The following LSAMP variants were observed in gnomAD, a reference collection of about 807,000 sequenced individuals.
LSAMP encodes the protein limbic system associated membrane protein, also known as limbic system-associated membrane protein.
In LSAMP, 7 loss-of-function variants were observed where a neutral mutation model predicts 38.6. That is an observed-to-expected ratio of 0.18 (90% CI 0.10 to 0.34). LSAMP has a LOEUF of 0.34. LSAMP is among the 10% of genes least tolerant of loss of function. LSAMP has a pLI of 1.00. For synonymous variants in LSAMP, 154 were observed against 166.8 expected (o/e 0.92, Z 0.59); for missense variants, 313 against 420.0 (o/e 0.75, Z 2.23).
chr3:116,397,273 TCTC>T (rs1422277748), intron 1 of LSAMP, among the ~76,000 whole-genome samples: 1 of 152,072 alleles, frequency 6.6e-6, no homozygotes, highest in East Asian at 1.9e-4. Flanking sequence ...GCTAGAGAAA[TCTC>T]CTTGCAATTC....
At chr3:115,894,729 G>A (rs991499298) in intron 3 of LSAMP, among the ~76,000 whole-genome samples, 3 of 151,956 alleles carry the variant, frequency 2.0e-5, no homozygotes, top group Non-Finnish European at 4.4e-5. Flanking sequence ...AAACTGACAC[G>A]CAGGAAAAAT....
At chr3:116,265,074 C>T (rs573464327) in intron 1 of LSAMP, among the ~76,000 whole-genome samples, 21 of 152,030 alleles carry the variant, frequency 1.4e-4, no homozygotes, top group South Asian at 1.2e-3. Context: ...TCAAAAGGGA[C>T]GTGTTATGAA....
At chr3:116,141,580 C>T (rs1203151749) in intron 1 of LSAMP, among the ~76,000 whole-genome samples, 2 of 151,888 alleles carry the variant, frequency 1.3e-5, no homozygotes, top group East Asian at 3.9e-4. Flanking sequence ...CTCAGGTCCT[C>T]TTTAACACTT....
intron 3 of LSAMP, among the ~76,000 whole-genome samples, chr3:115,998,603 C>T (rs1290354802): frequency 6.6e-6 from 1 of 152,126 alleles, no homozygotes; most frequent in African/African-American, 2.4e-5. Context: ...CCATCTCAGG[C>T]CCCACCCAGA....
At chr3:116,378,262 G>A (rs181945897) in intron 1 of LSAMP, among the ~76,000 whole-genome samples, 1 of 151,956 alleles carries the variant, frequency 6.6e-6, no homozygotes, top group African/African-American at 2.4e-5. Flanking sequence ...CCTGGAAGCT[G>A]TTGTGGTATT....
chr3:116,183,788 A>G (rs1710545628), intron 1 of LSAMP, among the ~76,000 whole-genome samples: 1 of 151,880 alleles, frequency 6.6e-6, no homozygotes, highest in South Asian at 2.1e-4. Context: ...CCCTGATAAT[A>G]AAAATAGCAA....
intron 1 of LSAMP, among the ~76,000 whole-genome samples, chr3:116,331,155 A>T (rs1321949341): frequency 6.6e-6 from 1 of 152,132 alleles, no homozygotes; most frequent in Admixed American, 6.5e-5. Flanking sequence ...GACCAGTTAT[A>T]AAAGGAGAAT....
At position 116,088,681 on chromosome 3, in the gene LSAMP, C is replaced by T. The variant is rs542308186; in HGVS notation, c.156-2125G>A. On this transcript the variant is annotated intron_variant, in intron 1 of 6. Transcript: ENST00000490035. ...CTGTGCATGTTTCTCACCTGCACAGCGTAACACAAGAATGGTCAGATTTGC... is the reference window on the plus strand; with the variant it reads ...CTGTGCATGTTTCTCACCTGCACAGTGTAACACAAGAATGGTCAGATTTGC... Among the ~76,000 whole-genome samples the T allele has an allele frequency of 2.1e-4, 32 of 152,218 alleles. No individual in the cohort carries two copies. In the South Asian group the frequency reaches 5.4e-3, roughly 26 times the overall value.
At chr3:115,938,408 C>T (rs1331378580) in intron 3 of LSAMP, among the ~76,000 whole-genome samples, 3 of 152,154 alleles carry the variant, frequency 2.0e-5, no homozygotes, top group Non-Finnish European at 2.9e-5. Flanking sequence ...TTCCCCATTA[C>T]ATTCTTTCTA....
intron 1 of LSAMP, among the ~76,000 whole-genome samples, chr3:116,175,783 G>T (rs1710324329): frequency 6.6e-6 from 1 of 151,914 alleles, no homozygotes; most frequent in Non-Finnish European, 1.5e-5. Context: ...AGGATGATTT[G>T]TGAAAAAGAC....
chr3:116,376,361 A>C lies in LSAMP; in HGVS notation c.155+68516T>G, dbSNP rs368726454. 3.3e-5 allele frequency among the ~76,000 whole-genome samples: 5 copies of C among 152,196 alleles called. No homozygotes were observed. In the East Asian group the frequency reaches 7.7e-4, roughly 24 times the overall value. On this transcript the variant is annotated intron_variant, in intron 1 of 6. Coordinates refer to ENST00000490035, the MANE Select transcript of LSAMP (RefSeq NM_002338.5). ...GGAAAAGGGATTCCTTCTTATTACA[A>C]TAACAAAATATTTTACTTTCACAGG... is the stretch of plus-strand genomic sequence containing the variant.
rs965702756 is a variant in LSAMP at position 116,096,973 on chromosome 3, G to A, written c.156-10417C>T. 4.6e-5 allele frequency among the ~76,000 whole-genome samples: 7 copies of A among 152,090 alleles called. No individual in the cohort carries two copies. In the East Asian group the frequency reaches 1.2e-3, roughly 25 times the overall value. ...AGGATGAGAAACAACTTTAAATTTT[G>A]CTTTTGTTTTGATTCTCCCTATGAG... On this transcript the variant is annotated intron_variant, in intron 1 of 6. Transcript: ENST00000490035.
intron 1 of LSAMP, among the ~76,000 whole-genome samples, chr3:116,091,419 CTAAAG>C (rs200879819): frequency 0.011 from 1,739 of 152,206 alleles, 30 homozygotes; most frequent in African/African-American, 0.04. Flanking sequence ...GACTAAGAGA[CTAAAG>C]TAAAGACAGG....
chr3:116,000,989 C>T (rs1178052781), intron 3 of LSAMP, among the ~76,000 whole-genome samples: 2 of 151,916 alleles, frequency 1.3e-5, no homozygotes. Flanking sequence ...TGCAGTTTTC[C>T]CAAAGTTGTA....
rs79234601 is a variant in LSAMP at position 116,125,630 on chromosome 3, A to C, written c.156-39074T>G. On this transcript the variant is annotated intron_variant, in intron 1 of 6. Transcript: ENST00000490035. ...GATTGCTTATTTGCCTCCCTATTTC[A>C]GTTGGATAAACAATGATATGGAAGA... 9.7e-3 allele frequency among the ~76,000 whole-genome samples: 1,471 copies of C among 152,226 alleles called. 24 individuals carry two copies. Among genetic ancestry groups the C allele is most frequent in the African/African-American group, 0.033 (1,381 of 41,552 alleles).
intron 1 of LSAMP, among the ~76,000 whole-genome samples, chr3:116,405,073 A>T (rs1188890936): frequency 6.6e-6 from 1 of 152,094 alleles, no homozygotes; most frequent in Non-Finnish European, 1.5e-5. Context: ...GCTATCTGTA[A>T]GTTTTAGGTA....
intron 1 of LSAMP, among the ~76,000 whole-genome samples, chr3:116,290,868 A>G (rs537852057): frequency 7.1e-4 from 108 of 152,168 alleles, no homozygotes; most frequent in African/African-American, 2.4e-3. Context: ...TCAAATTAAT[A>G]ATGGTTAAGA....
chr3:116,352,018 T>C lies in LSAMP; in HGVS notation c.155+92859A>G, dbSNP rs144693187. ...GAAAGTTTAGTTAACCCTTCAAATA[T>C]TGTGTCATGCTTCTTCATCAGCTCC... On this transcript the variant is annotated intron_variant, in intron 1 of 6. Coordinates refer to ENST00000490035, the MANE Select transcript of LSAMP (RefSeq NM_002338.5). Among the ~76,000 whole-genome samples the C allele has an allele frequency of 2.1e-3, 326 of 152,138 alleles. 2 individuals carry two copies. Among genetic ancestry groups the C allele is most frequent in the African/African-American group, 7.5e-3 (312 of 41,542 alleles).
At chr3:116,356,053 T>C (rs1272080575) in intron 1 of LSAMP, among the ~76,000 whole-genome samples, 1 of 152,156 alleles carries the variant, frequency 6.6e-6, no homozygotes, top group Non-Finnish European at 1.5e-5. Context: ...AATTACCATA[T>C]GATCAAGCAA....
Sources: allele counts gnomAD v4.1 joint callset (sites outside exome capture counted in the v4.1 genomes callset), GRCh38; gene constraint gnomAD v4.1.1; transcripts MANE v1.5; gene names NCBI Gene and HGNC (gene_info 2026-07-23, HGNC 2026-07-21).